The following SDK1 variants were observed in gnomAD, a reference collection of about 807,000 sequenced individuals.
SDK1 encodes the protein protein sidekick-1.
Under a neutral mutation model 245.5 loss-of-function variants are expected in SDK1, and 157 were observed. The observed-to-expected ratio is 0.64, with a 90% CI of 0.56 to 0.73. The LOEUF is 0.73. SDK1 is among the 30% of genes least tolerant of loss of function. SDK1 has a pLI of 0.00. For missense variants in SDK1, 3,583 were observed against 3,002.3 expected (o/e 1.19, Z -4.52); for synonymous variants, 1,647 against 1,278.5 (o/e 1.29, Z -6.15).
chr7:3,985,036 A>C (rs1187855689), intron 13 of SDK1, among the ~76,000 whole-genome samples: 2 of 151,058 alleles, frequency 1.3e-5, no homozygotes, highest in Non-Finnish European at 2.9e-5. Flanking sequence ...AGCCCCCTCC[A>C]CTCCCCAGAG....
At chr7:4,013,966 C>T (rs1023719472) in intron 16 of SDK1, among the ~76,000 whole-genome samples, 2 of 152,254 alleles carry the variant, frequency 1.3e-5, no homozygotes, top group Non-Finnish European at 2.9e-5. Flanking sequence ...CTCCAGAAAA[C>T]AGCCCCGTGT....
intron 5 of SDK1, among the ~76,000 whole-genome samples, chr7:3,940,195 G>C (rs1224787752): frequency 2.6e-5 from 4 of 151,892 alleles, no homozygotes; most frequent in African/African-American, 9.7e-5. Context: ...GCAGGTGGAG[G>C]ATGGCCGGAG....
chr7:3,534,636 C>T (rs376175873), intron 1 of SDK1, among the ~76,000 whole-genome samples: 1 of 151,964 alleles, frequency 6.6e-6, no homozygotes, highest in Non-Finnish European at 1.5e-5. Context: ...TTTTTTATTT[C>T]TCTCGGTCTC....
chr7:4,158,961 T>C lies in SDK1; in HGVS notation c.4729+410T>C, dbSNP rs112137787. 4.7e-3 allele frequency among the ~76,000 whole-genome samples: 715 copies of C among 152,332 alleles called. 6 individuals carry two copies. The highest frequency in any genetic ancestry group is 0.016 in the African/African-American group (646 of 41,572). ...GTCTCCTCAGAGCTCCAGGTGGCGTTTTCAGCCGCTCCGTCCTACCTCGGC... is the reference window on the plus strand; with the variant it reads ...GTCTCCTCAGAGCTCCAGGTGGCGTCTTCAGCCGCTCCGTCCTACCTCGGC... On this transcript the variant is annotated intron_variant, in intron 31 of 44. Transcript: ENST00000404826.
intron 14 of SDK1, among the ~76,000 whole-genome samples, chr7:4,008,855 A>G (rs1785707731): frequency 6.6e-6 from 1 of 152,130 alleles, no homozygotes; most frequent in African/African-American, 2.4e-5. Context: ...GCTGCTTTGA[A>G]CCCAGGTATG....
chr7:3,971,168 GCCTAGAA>G (rs2128132883), intron 11 of SDK1, among the ~76,000 whole-genome samples: 1 of 152,198 alleles, frequency 6.6e-6, no homozygotes, highest in South Asian at 2.1e-4. Flanking sequence ...TTATTTTAGA[GCCTAGAA>G]CCTCATCCAC....
chr7:3,732,501 G>C (rs752452830), intron 4 of SDK1, among the ~76,000 whole-genome samples: 1 of 152,058 alleles, frequency 6.6e-6, no homozygotes, highest in East Asian at 1.9e-4. Context: ...TTAATAGTTC[G>C]GTTCGGTCTG....
intron 13 of SDK1, among the ~76,000 whole-genome samples, chr7:3,985,787 T>C (rs887813546): frequency 6.6e-6 from 1 of 152,226 alleles, no homozygotes; most frequent in South Asian, 2.1e-4. Context: ...TGCTTATAAA[T>C]GGTGCGTATG....
At chr7:3,434,848 C>T (rs532874011) in intron 1 of SDK1, among the ~76,000 whole-genome samples, 1 of 152,238 alleles carries the variant, frequency 6.6e-6, no homozygotes, top group East Asian at 1.9e-4. Flanking sequence ...GCCAAGACTC[C>T]TCATTGAGCC....
chr7:3,898,777 C>T (rs1463746858), intron 5 of SDK1, among the ~76,000 whole-genome samples: 2 of 152,042 alleles, frequency 1.3e-5, no homozygotes, highest in African/African-American at 2.4e-5. Context: ...AATTAGAGCT[C>T]GTTGGGAACG....
intron 1 of SDK1, among the ~76,000 whole-genome samples, chr7:3,372,537 A>G (rs943287262): frequency 6.6e-5 from 10 of 152,166 alleles, no homozygotes; most frequent in South Asian, 4.1e-4. Context: ...TCTGAGGACA[A>G]TTCAATACCT....
chr7:3,470,894 G>T (rs888938879), intron 1 of SDK1, among the ~76,000 whole-genome samples: 9 of 152,260 alleles, frequency 5.9e-5, no homozygotes, highest in Middle Eastern at 3.4e-3. Flanking sequence ...AGGAGTTGGA[G>T]AATTCAGAAG....
intron 1 of SDK1, among the ~76,000 whole-genome samples, chr7:3,552,283 C>T (rs1779443713): frequency 6.6e-6 from 1 of 152,132 alleles, no homozygotes; most frequent in African/African-American, 2.4e-5. Flanking sequence ...CCTTGTGATC[C>T]ACCCGCCTTG....
At chr7:3,541,521 T>C (rs1251560458) in intron 1 of SDK1, among the ~76,000 whole-genome samples, 2 of 152,242 alleles carry the variant, frequency 1.3e-5, no homozygotes, top group East Asian at 3.8e-4. Context: ...TCAGGGATGA[T>C]TTAATATGTC....
At chr7:3,492,738 T>C (rs1781901798) in intron 1 of SDK1, among the ~76,000 whole-genome samples, 1 of 152,178 alleles carries the variant, frequency 6.6e-6, no homozygotes, top group South Asian at 2.1e-4. Context: ...AAGTTTGTAA[T>C]TATTGAACAA....
intron 1 of SDK1, among the ~76,000 whole-genome samples, chr7:3,460,384 T>C (rs1780796231): frequency 6.6e-6 from 1 of 152,240 alleles, no homozygotes; most frequent in Non-Finnish European, 1.5e-5. Flanking sequence ...CAATATCTAT[T>C]ACAGACTGTA....
intron 4 of SDK1, among the ~76,000 whole-genome samples, chr7:3,809,247 A>T (rs750982814): frequency 2.0e-5 from 3 of 152,144 alleles, no homozygotes; most frequent in Non-Finnish European, 4.4e-5. Context: ...AAACAGCCAG[A>T]TCTCACAAGA....
At chr7:3,394,886 G>A (rs1206616821) in intron 1 of SDK1, among the ~76,000 whole-genome samples, 3 of 151,876 alleles carry the variant, frequency 2.0e-5, no homozygotes, top group Non-Finnish European at 4.4e-5. Context: ...TTAAAAATTA[G>A]TTCTAATAGT....
chr7:3,442,892 A>G (rs1038239390), intron 1 of SDK1, among the ~76,000 whole-genome samples: 1 of 152,090 alleles, frequency 6.6e-6, no homozygotes, highest in Admixed American at 6.6e-5. Flanking sequence ...CCCTCCGAAC[A>G]CTTTTGATCT....
Sources: allele counts gnomAD v4.1 joint callset (sites outside exome capture counted in the v4.1 genomes callset), GRCh38; gene constraint gnomAD v4.1.1; transcripts MANE v1.5; gene names NCBI Gene and HGNC (gene_info 2026-07-23, HGNC 2026-07-21).